The following CHST9 variants were observed in gnomAD, a reference collection of about 807,000 sequenced individuals.
CHST9 encodes carbohydrate sulfotransferase 9, also known as GalNAc-4-sulfotransferase 2.
CHST9 carries 41 observed loss-of-function variants against 44.4 expected under a neutral mutation model. That is an observed-to-expected ratio of 0.92 (90% CI 0.72 to 1.20). The LOEUF (loss-of-function observed/expected upper bound fraction) is 1.20. CHST9 is among the 50% of genes most tolerant of loss of function. The probability of loss-of-function intolerance (pLI) is 0.00; values close to 1 mark genes in which losing one functional copy is unlikely to be tolerated. For missense variants in CHST9, 504 were observed against 516.5 expected (o/e 0.98, Z 0.23); for synonymous variants, 171 against 178.4 (o/e 0.96, Z 0.33).
intron 2 of CHST9, among the ~76,000 whole-genome samples, chr18:27,100,010 T>C (rs946586971): frequency 4.0e-5 from 5 of 125,438 alleles, no homozygotes; most frequent in Non-Finnish European, 8.2e-5. Flanking sequence ...TAAAATGATA[T>C]ATATATAATG....
At chr18:27,176,365 G>C (rs2058868185) in intron 1 of CHST9, among the ~76,000 whole-genome samples, 1 of 152,016 alleles carries the variant, frequency 6.6e-6, no homozygotes, top group East Asian at 1.9e-4. Flanking sequence ...TGGAGACATT[G>C]TTGTTTTTCT....
intron 2 of CHST9, among the ~76,000 whole-genome samples, chr18:27,072,741 T>G (rs1191970423): frequency 6.6e-6 from 1 of 152,178 alleles, no homozygotes; most frequent in Non-Finnish European, 1.5e-5. Flanking sequence ...GGCAGAAGAC[T>G]TTTTAGTCCA....
At chr18:27,122,285 TA>T (rs2058380895) in intron 2 of CHST9, among the ~76,000 whole-genome samples, 1 of 152,238 alleles carries the variant, frequency 6.6e-6, no homozygotes, top group African/African-American at 2.4e-5. Context: ...TTCTTTCCAC[TA>T]AATGAAACAA....
intron 2 of CHST9, among the ~76,000 whole-genome samples, chr18:27,072,169 C>G (rs1360278194): frequency 2.0e-5 from 3 of 152,188 alleles, no homozygotes; most frequent in Non-Finnish European, 4.4e-5. Context: ...TGTGAAGTCT[C>G]TGCTCTGAGA....
intron 4 of CHST9, among the ~76,000 whole-genome samples, chr18:26,979,025 T>A (rs2056660014): frequency 6.6e-6 from 1 of 152,076 alleles, no homozygotes; most frequent in African/African-American, 2.4e-5. Context: ...TTTATTTTAT[T>A]TTATTTTTTT....
intron 2 of CHST9, among the ~76,000 whole-genome samples, chr18:27,074,871 A>G (rs1188188717): frequency 1.4e-5 from 2 of 147,994 alleles, no homozygotes; most frequent in Admixed American, 1.4e-4. Context: ...TAGTTTATGT[A>G]TATCTATATA....
At chr18:27,079,522 G>C (rs2143675736) in intron 2 of CHST9, among the ~76,000 whole-genome samples, 1 of 151,750 alleles carries the variant, frequency 6.6e-6, no homozygotes, top group African/African-American at 2.4e-5. Context: ...AGGATTCCCT[G>C]CATAAATTTT....
chr18:27,063,937 T>TG (rs1216654113), intron 2 of CHST9, among the ~76,000 whole-genome samples: 1 of 152,148 alleles, frequency 6.6e-6, no homozygotes, highest in Non-Finnish European at 1.5e-5. Context: ...TCCATCTTAA[T>TG]GGGGTGGCTC....
intron 5 of CHST9, among the ~76,000 whole-genome samples, chr18:26,938,182 T>A (rs2056027271): frequency 6.6e-6 from 1 of 152,180 alleles, no homozygotes; most frequent in African/African-American, 2.4e-5. Context: ...ACAGGTACCC[T>A]TCACATTTTA....
intron 2 of CHST9, among the ~76,000 whole-genome samples, chr18:27,085,929 TAC>T (rs2058008252): frequency 6.6e-6 from 1 of 152,182 alleles, no homozygotes; most frequent in East Asian, 1.9e-4. Flanking sequence ...CATGGAATAC[TAC>T]ACAGTCATAA....
At chr18:27,037,324 G>T (rs541924930) in intron 3 of CHST9, among the ~76,000 whole-genome samples, 3 of 152,228 alleles carry the variant, frequency 2.0e-5, no homozygotes, top group Admixed American at 1.3e-4. Flanking sequence ...AGTGGAAAGG[G>T]TATGATGCCT....
At chr18:26,964,181 T>A (rs1446119360) in intron 4 of CHST9, among the ~76,000 whole-genome samples, 11 of 152,178 alleles carry the variant, frequency 7.2e-5, no homozygotes, top group Admixed American at 6.5e-4. Context: ...CAAATAGAAA[T>A]CCATATAATT....
At chr18:27,082,712 A>T (rs2057972338) in intron 2 of CHST9, among the ~76,000 whole-genome samples, 1 of 152,206 alleles carries the variant, frequency 6.6e-6, no homozygotes, top group Admixed American at 6.5e-5. Context: ...ATCAATACAC[A>T]AGAAAAAGAT....
chr18:27,154,622 T>C (rs988193917), intron 1 of CHST9, among the ~76,000 whole-genome samples: 1 of 152,100 alleles, frequency 6.6e-6, no homozygotes, highest in African/African-American at 2.4e-5. Flanking sequence ...TATACTAGAT[T>C]ATAGTCCAAT....
intron 2 of CHST9, among the ~76,000 whole-genome samples, chr18:27,136,968 C>T (rs774304048): frequency 4.1e-4 from 62 of 152,074 alleles, no homozygotes; most frequent in Non-Finnish European, 6.6e-4. Context: ...TTGATTTTTA[C>T]TGCTTTGTAT....
chr18:26,994,482 T>A (rs181365902), intron 4 of CHST9, among the ~76,000 whole-genome samples: 225 of 152,196 alleles, frequency 1.5e-3, no homozygotes, highest in Middle Eastern at 3.4e-3. Context: ...TGATTTCTGA[T>A]AACACGTTTG....
chr18:26,961,399 A>G (rs2056398039), intron 4 of CHST9, among the ~76,000 whole-genome samples: 1 of 151,960 alleles, frequency 6.6e-6, no homozygotes, highest in Non-Finnish European at 1.5e-5. Flanking sequence ...AAGGAGTAAG[A>G]GTTACTTTTA....
At chr18:27,077,972 G>A (rs912745122) in intron 2 of CHST9, among the ~76,000 whole-genome samples, 4 of 152,090 alleles carry the variant, frequency 2.6e-5, no homozygotes, top group Non-Finnish European at 5.9e-5. Flanking sequence ...AAGAAAAAGA[G>A]AGCATGAAGG....
At chr18:26,961,818 TG>T (rs764290947) in intron 4 of CHST9, among the ~76,000 whole-genome samples, 78 of 152,334 alleles carry the variant, frequency 5.1e-4, no homozygotes, top group Admixed American at 7.8e-4. Flanking sequence ...GAAACATGGG[TG>T]AGGCTTTGAA....
Sources: allele counts gnomAD v4.1 joint callset (sites outside exome capture counted in the v4.1 genomes callset), GRCh38; gene constraint gnomAD v4.1.1; transcripts MANE v1.5; gene names NCBI Gene and HGNC (gene_info 2026-07-23, HGNC 2026-07-21).